The following NIBAN3 variants were observed in gnomAD, a reference collection of about 807,000 sequenced individuals.
NIBAN3 encodes niban apoptosis regulator 3, also known as protein Niban 3.
In NIBAN3, 66 loss-of-function variants were observed where a neutral mutation model predicts 76.4. That is an observed-to-expected ratio of 0.86 (90% confidence interval 0.71 to 1.06). The LOEUF (loss-of-function observed/expected upper bound fraction) is 1.06, where lower values mean the gene tolerates loss of function less well. Among genes scored for constraint, NIBAN3 ranks in the 50% least tolerant of loss-of-function variants. The probability of loss-of-function intolerance (pLI) is 0.00; values close to 1 mark genes in which losing one functional copy is unlikely to be tolerated. For missense variants in NIBAN3, 808 were observed against 810.7 expected (o/e 1.00, Z 0.04); for synonymous variants, 360 against 355.2 (o/e 1.01, Z -0.15).
At position 17,542,118 on chromosome 19, in the gene NIBAN3, C is replaced by T. The variant is rs1370169705; in HGVS notation, c.1171-18C>T. The T allele has an allele frequency of 6.2e-7, 1 of 1,613,984 alleles. No homozygotes were observed. The highest frequency in any genetic ancestry group is 1.3e-5 in the African/African-American group (1 of 74,940). Reference sequence around the variant, plus strand: ...AGCTGACAGCATTTTTCCCCCAAAACTGCTTCCGGGAGCACAGGTTTACTC... The same window carrying T: ...AGCTGACAGCATTTTTCCCCCAAAATTGCTTCCGGGAGCACAGGTTTACTC... On this transcript the variant is annotated intron_variant, in intron 9 of 14. Coordinates refer to ENST00000599164, the MANE Select transcript of NIBAN3 (RefSeq NM_001321827.2). The surrounding 1 kb of genome is among the most constrained non-coding windows in gnomAD (Gnocchi z 4.8).
chr19:17,550,218 A>C (rs1038015999), intron 14 of NIBAN3, among the ~76,000 whole-genome samples: 1 of 152,178 alleles, frequency 6.6e-6, no homozygotes, highest in Admixed American at 6.6e-5. Flanking sequence ...CAGGGGCCTT[A>C]GGTTTACCAC....
chr19:17,523,480 G>A, upstream of NIBAN3: 5 of 1,558,388 alleles, frequency 3.2e-6, no homozygotes, highest in Non-Finnish European at 4.3e-6. Context: ...AGCAAAGAGA[G>A]CTGAGCGGAA....
At position 17,539,236 on chromosome 19, in the gene NIBAN3, G is replaced by T; in HGVS notation, c.682G>T (p.Asp228Tyr). The T allele has an allele frequency of 6.2e-7, 1 of 1,607,860 alleles. No homozygotes were observed. The highest frequency in any genetic ancestry group is 8.5e-7 in the Non-Finnish European group (1 of 1,177,502). Residue 228 changes from aspartate (D) to tyrosine (Y), a missense_variant, in exon 6 of 15, where the codon GAC (aspartate) becomes TAC (tyrosine). Physicochemically the swap from Asp to Tyr is radical, Grantham distance 160. Transcript: ENST00000599164. ...GCAGCACCAAGGCCACTTTGGCGAC[G>T]ACGACGTGACCCTAGGCTCAGACGC... ...YRQHQGHFGD[D>Y]DVTLGSDAEV...
intron 3 of NIBAN3, 146 bp from the exon 4 acceptor site, chr19:17,533,441 G>C (rs2075767963): frequency 3.7e-6 from 2 of 542,164 alleles, no homozygotes; most frequent in South Asian, 4.9e-5. Context: ...GAGAGAGGGA[G>C]GAATGGAGGA....
At chr19:17,538,086 G>A (rs1490865830) in intron 5 of NIBAN3, among the ~76,000 whole-genome samples, 1 of 151,908 alleles carries the variant, frequency 6.6e-6, no homozygotes, top group Non-Finnish European at 1.5e-5. Context: ...GTTAGAGCAG[G>A]CTTCCCAGAT....
At chr19:17,523,331 G>T, upstream of NIBAN3, 1 of 1,015,274 alleles carries the variant, frequency 9.8e-7, no homozygotes, top group Non-Finnish European at 1.4e-6. Context: ...TGAAACCTGC[G>T]CAGAGGCGGC....
At chr19:17,540,728 G>C in intron 9 of NIBAN3, 146 bp downstream of exon 9, 1 of 558,748 alleles carries the variant, frequency 1.8e-6, no homozygotes, top group Non-Finnish European at 2.8e-6. Flanking sequence ...GTGGAGCACA[G>C]TTTTTGTTTG....
At chr19:17,524,495 G>A (rs2075586852), upstream of NIBAN3, among the ~76,000 whole-genome samples, 1 of 151,646 alleles carries the variant, frequency 6.6e-6, no homozygotes, top group Non-Finnish European at 1.5e-5. Flanking sequence ...ATGTTGGCCA[G>A]GCTGGTCTCG....
rs1423583530 is a variant in NIBAN3, at chr19:17,532,360, G to T, written c.284G>T (p.Gly95Val). 12 of 1,614,156 alleles carry T rather than the reference G, an allele frequency of 7.4e-6. 1 individual carries two copies. The highest frequency in any genetic ancestry group is 1.3e-5 in the African/African-American group (1 of 75,052). Residue 95 changes from glycine (G) to valine (V), a missense_variant, in exon 3 of 15, where the codon GGC (glycine) becomes GTC (valine). Transcript: ENST00000599164. ...QPIFCVLRGD[G>V]RLEWFSHKEE... ...ATCTTCTGTGTTCTGCGTGGGGACG[G>T]CCGCCTAGAGTGGTTCAGCCACAAG... is the stretch of plus-strand genomic sequence containing the variant.
chr19:17,543,702 G>A (rs1392988837), intron 12 of NIBAN3, 71 bp downstream of exon 12: 1 of 1,323,138 alleles, frequency 7.6e-7, no homozygotes, highest in East Asian at 2.4e-5. Flanking sequence ...GGGCAAGAAT[G>A]CTCTTTGAGG....
intron 12 of NIBAN3, among the ~76,000 whole-genome samples, chr19:17,544,747 C>T (rs113947637): frequency 2.0e-5 from 3 of 152,042 alleles, no homozygotes; most frequent in Non-Finnish European, 2.9e-5. Context: ...GGGCACCAGG[C>T]GGGTGTCTGA....
intron 4 of NIBAN3, among the ~76,000 whole-genome samples, chr19:17,537,047 C>T (rs539197665): frequency 6.6e-6 from 1 of 152,168 alleles, no homozygotes; most frequent in Admixed American, 6.5e-5. Flanking sequence ...CAAAACCCCA[C>T]ATAAAGCCGG....
chr19:17,551,819 C>A lies in NIBAN3; in HGVS notation c.1784C>A (p.Ala595Asp), dbSNP rs1398866070. ...ACTGAGGCTGAGCGGGAAGGAGGGG[C>A]TTGTCCCAGGCAGCCAGACTCTGGT... Reference protein sequence around the residue: ...EETEAEREGGACPRQPDSGAQ... With the variant: ...EETEAEREGGDCPRQPDSGAQ... The change falls in exon 15 of 15, where the codon GCT (alanine) becomes GAT (aspartate). Residue 595 changes from alanine to aspartate, a missense_variant. Physicochemically the swap from Ala to Asp is moderately radical, Grantham distance 126. Coordinates refer to ENST00000599164, the MANE Select transcript of NIBAN3 (RefSeq NM_001321827.2). The A allele has an allele frequency of 1.3e-6, 1 of 780,246 alleles. No individual in the cohort carries two copies. Among genetic ancestry groups the A allele is most frequent in the African/African-American group, 1.7e-5 (1 of 59,258 alleles). The allele number at this position is 780,246 out of a possible 1,614,324, so 48.3% of individuals were successfully genotyped here. A position where few individuals can be genotyped will look rare whatever the true frequency, so the allele number is the denominator to read the frequency against.
chr19:17,527,491 C>A, intron 1 of NIBAN3, 96 bp downstream of exon 1: 1 of 1,310,862 alleles, frequency 7.6e-7, no homozygotes, highest in Non-Finnish European at 1.0e-6. Context: ...GGGTTCGGTT[C>A]AGACCTAGGG....
chr19:17,537,324 T>C (rs1471127088), intron 4 of NIBAN3, 52 bp from the exon 5 acceptor site: 5 of 1,572,088 alleles, frequency 3.2e-6, no homozygotes, highest in Non-Finnish European at 3.5e-6. Flanking sequence ...TCAGGGGTAT[T>C]TTCTCCTAGT....
chr19:17,555,279 C>T (rs754696054), downstream of NIBAN3, among the ~76,000 whole-genome samples: 2 of 152,172 alleles, frequency 1.3e-5, no homozygotes, highest in Non-Finnish European at 2.9e-5. Flanking sequence ...ACCCACGTTG[C>T]AGCAGAGGAA....
chr19:17,531,591 T>C (rs1377967133), intron 2 of NIBAN3, among the ~76,000 whole-genome samples: 1 of 152,158 alleles, frequency 6.6e-6, no homozygotes, highest in Non-Finnish European at 1.5e-5. Context: ...TGTAGTTCAG[T>C]GGCGCAATCT....
At position 17,543,415 on chromosome 19, in the gene NIBAN3, CA is replaced by C. The variant is rs777165201; in HGVS notation, c.1429del (p.Arg477GlyfsTer5). 52 of 1,613,138 alleles carry C rather than the reference CA, an allele frequency of 3.2e-5. No homozygotes were observed. The highest frequency in any genetic ancestry group is 2.3e-4 in the South Asian group (21 of 90,994). ...AGGCTGCCCAGAGGCTGGAGAGAGT[CA>C]GGGGGCGCGTGCTGAAGGTGTGTTC... ...DQAAQRLERV[R>X]GRVLKKFKSD... On this transcript the variant is annotated frameshift_variant, in exon 11 of 15. Transcript: ENST00000599164. LOFTEE classifies it high-confidence loss of function.
Position 17,540,529 on chromosome 19 carries a change from C to A in NIBAN3, c.1117C>A (p.Arg373=). 6.3e-7 allele frequency: 1 copy of A among 1,583,452 alleles called. No homozygotes were observed. Among genetic ancestry groups the A allele is most frequent in the Non-Finnish European group, 8.6e-7 (1 of 1,164,910 alleles). Residue 373 remains arginine (R), a synonymous_variant, in exon 9 of 15, where the codon CGA becomes AGA. Transcript: ENST00000599164. ...GACCCTCCTGGCTCAAGGCATGGACCGACTGTCCCACCGCCTGCGCCAGAG... is the reference window on the plus strand; with the variant it reads ...GACCCTCCTGGCTCAAGGCATGGACAGACTGTCCCACCGCCTGCGCCAGAG... The part of the protein sequence containing the change: ...VRTLLAQGMD[R]LSHRLRQSPS...
Sources: gnomAD v4.1 joint callset for allele counts (sites outside exome capture counted in the v4.1 genomes callset) on GRCh38, gnomAD v4.1.1 for gene constraint, Gnocchi (gnomAD v3.1) non-coding constraint, MANE v1.5 for transcripts, NCBI Gene and HGNC (gene_info 2026-07-23, HGNC 2026-07-21) for gene names.